The following EML4 variants were observed in gnomAD, a reference collection of about 807,000 sequenced individuals.
EML4 encodes the protein echinoderm microtubule-associated protein-like 4.
EML4 carries 72 observed loss-of-function variants against 129.0 expected under a neutral mutation model. The observed-to-expected ratio is 0.56, with a 90% CI of 0.46 to 0.68. The LOEUF is 0.68. Among genes scored for constraint, EML4 ranks in the 30% least tolerant of loss-of-function variants. The pLI is 0.00. For synonymous variants in EML4, 532 were observed against 405.0 expected, an observed-to-expected ratio of 1.31 and a Z score of -3.77; for missense variants, 1,363 against 1,190.6, an observed-to-expected ratio of 1.14 and a Z score of -2.13.
At chr2:42,204,979 A>G (rs1202682896) in intron 1 of EML4, among the ~76,000 whole-genome samples, 2 of 152,216 alleles carry the variant, frequency 1.3e-5, no homozygotes, top group Non-Finnish European at 2.9e-5. Context: ...GGTTTTAGAA[A>G]TCATAAATAT....
intron 2 of EML4, among the ~76,000 whole-genome samples, chr2:42,248,072 A>C (rs1179441118): frequency 6.6e-6 from 1 of 152,122 alleles, no homozygotes; most frequent in African/African-American, 2.4e-5. Context: ...TGCTGGGCAC[A>C]AGTGGTCCTC....
chr2:42,221,403 C>CTTTTTTGTTTTTTTTTTTTTTTTTT (rs1673585872), intron 1 of EML4, among the ~76,000 whole-genome samples: 1 of 108,256 alleles, frequency 9.2e-6, no homozygotes, highest in African/African-American at 3.3e-5. Context: ...ACATGGTTTA[C>CTTTTTTGTTTTTTTTTTTTTTTTTT]TTTTTTTTTT....
intron 1 of EML4, among the ~76,000 whole-genome samples, chr2:42,193,516 A>G (rs1671720396): frequency 6.6e-6 from 1 of 152,230 alleles, no homozygotes; most frequent in African/African-American, 2.4e-5. Context: ...TTTATTTCTT[A>G]GGGCCAAACC....
intron 1 of EML4, among the ~76,000 whole-genome samples, chr2:42,221,409 T>TTTTTTTTTTTTTTTTTTTG (rs1673588010): frequency 1.5e-5 from 1 of 65,622 alleles, no homozygotes; most frequent in African/African-American, 1.0e-4. Flanking sequence ...TTTACTTTTT[T>TTTTTTTTTTTTTTTTTTTG]TTTTTTTTTT....
At chr2:42,226,981 C>T (rs1674005385) in intron 1 of EML4, among the ~76,000 whole-genome samples, 1 of 152,112 alleles carries the variant, frequency 6.6e-6, no homozygotes, top group Non-Finnish European at 1.5e-5. Flanking sequence ...ACAAAATTTC[C>T]ATGAAATTCA....
intron 1 of EML4, among the ~76,000 whole-genome samples, chr2:42,202,194 A>G (rs563663015): frequency 1.3e-5 from 2 of 152,316 alleles, no homozygotes; most frequent in East Asian, 3.9e-4. Flanking sequence ...CATTTGGACA[A>G]GAGAAATAGA....
chr2:42,314,787 C>T (rs1300362051), intron 17 of EML4, among the ~76,000 whole-genome samples: 2 of 152,202 alleles, frequency 1.3e-5, no homozygotes, highest in Non-Finnish European at 2.9e-5. Context: ...GTTTGTCTGT[C>T]CATGGTTCCC....
chr2:42,210,538 T>C lies in EML4; in HGVS notation c.26-34967T>C, dbSNP rs1672829542. 2.0e-5 allele frequency among the ~76,000 whole-genome samples: 3 copies of C among 152,332 alleles called. No individual in the cohort carries two copies. In the South Asian group the frequency reaches 6.2e-4, roughly 32 times the overall value. The stretch of plus-strand genomic sequence containing the variant: ...ACTGTACTCTTTGGAAGGAAGTCAC[T>C]ATGCACAGCCCACACTTAAGAAGTG... On this transcript the variant is annotated intron_variant, in intron 1 of 22. Coordinates refer to ENST00000318522, the MANE Select transcript of EML4 (RefSeq NM_019063.5).
At chr2:42,174,817 T>G (rs141825430) in intron 1 of EML4, among the ~76,000 whole-genome samples, 50 of 152,224 alleles carry the variant, frequency 3.3e-4, no homozygotes, top group African/African-American at 6.7e-4. Context: ...AGTGGTTTTT[T>G]TTTGTTTGTT....
intron 1 of EML4, among the ~76,000 whole-genome samples, chr2:42,200,602 T>G (rs1047232338): frequency 6.6e-6 from 1 of 152,230 alleles, no homozygotes; most frequent in African/African-American, 2.4e-5. Flanking sequence ...GTTGAAAAGA[T>G]GGTTTCAGAA....
At chr2:42,221,403 C>T (rs202012192) in intron 1 of EML4, among the ~76,000 whole-genome samples, 36 of 108,244 alleles carry the variant, frequency 3.3e-4, no homozygotes, top group East Asian at 6.9e-4. Flanking sequence ...ACATGGTTTA[C>T]TTTTTTTTTT....
intron 1 of EML4, among the ~76,000 whole-genome samples, chr2:42,192,342 A>G (rs1671643604): frequency 6.6e-6 from 1 of 150,548 alleles, no homozygotes; most frequent in Non-Finnish European, 1.5e-5. Context: ...TGGCTTCAAG[A>G]GATTCTCCCG....
At chr2:42,258,357 T>G (rs1665482946) in intron 3 of EML4, among the ~76,000 whole-genome samples, 2 of 151,648 alleles carry the variant, frequency 1.3e-5, no homozygotes, top group Non-Finnish European at 2.9e-5. Flanking sequence ...CTGATATTCT[T>G]GAAGTATAAT....
rs554968796 is a variant in EML4 at position 42,230,607 on chromosome 2, T to C, written c.26-14898T>C. Among the ~76,000 whole-genome samples the C allele has an allele frequency of 1.6e-3, 236 of 152,254 alleles. 1 individual carries two copies. Among genetic ancestry groups the C allele is most frequent in the African/African-American group, 5.5e-3 (228 of 41,544 alleles). ...TTTTAGTAGAGATGGGGTTTTGTCATGTTGGCCAGGCTGGTCTCAAACTCC... is the reference window on the plus strand; with the variant it reads ...TTTTAGTAGAGATGGGGTTTTGTCACGTTGGCCAGGCTGGTCTCAAACTCC... On this transcript the variant is annotated intron_variant, in intron 1 of 22. Transcript: ENST00000318522.
chr2:42,325,989 C>T (rs1407599444), intron 20 of EML4, 165 bp from the exon 21 acceptor site: 8 of 639,936 alleles, frequency 1.3e-5, no homozygotes, highest in Non-Finnish European at 1.6e-5. Flanking sequence ...GTTTTATAAA[C>T]CCTGTTAAAG....
At chr2:42,306,438 G>GT (rs1280516677) in intron 17 of EML4, among the ~76,000 whole-genome samples, 4 of 143,104 alleles carry the variant, frequency 2.8e-5, no homozygotes, top group Non-Finnish European at 4.6e-5. Flanking sequence ...AATAATAAAA[G>GT]TAAGAGATAT....
At position 42,245,094 on chromosome 2, in the gene EML4, C is replaced by CTT. The variant is rs56808218; in HGVS notation, c.26-394_26-393dup. ...AGTTTTTTGTTTTGAAATTTTCTTT[C>CTT]TTTTTTTTTTTTTTTTTTGAGACAG... is the stretch of plus-strand genomic sequence containing the variant. On this transcript the variant is annotated intron_variant, in intron 1 of 22. Transcript: ENST00000318522. 1.5e-3 allele frequency among the ~76,000 whole-genome samples: 100 copies of CTT among 66,566 alleles called. 19 individuals carry two copies. Among genetic ancestry groups the CTT allele is most frequent in the Middle Eastern group, 0.016 (1 of 64 alleles). 43.7% of individuals were successfully genotyped at this position (66,566 alleles called of 152,430 possible).
At chr2:42,280,804 A>C (rs373902566) in intron 6 of EML4, 46 bp from the exon 7 acceptor site, 3 of 1,489,772 alleles carry the variant, frequency 2.0e-6, no homozygotes, top group Non-Finnish European at 1.8e-6. Context: ...TTGTATGACT[A>C]TACAGAAAAT....
intron 1 of EML4, among the ~76,000 whole-genome samples, chr2:42,235,543 CTCTAA>C (rs1674615664): frequency 6.6e-6 from 1 of 152,154 alleles, no homozygotes. Context: ...ACGTTAGCTT[CTCTAA>C]TCTAACCTAA....
Sources: gnomAD v4.1 joint callset for allele counts (sites outside exome capture counted in the v4.1 genomes callset) on GRCh38, gnomAD v4.1.1 for gene constraint, MANE v1.5 for transcripts, NCBI Gene and HGNC (gene_info 2026-07-23, HGNC 2026-07-21) for gene names.